Variants in KSR2 observed in about 807,000 individuals in gnomAD.
KSR2 encodes kinase suppressor of ras 2.
Under a neutral mutation model 107.8 loss-of-function variants are expected in KSR2, and 25 were observed. That is an observed-to-expected ratio of 0.23 (90% CI 0.17 to 0.32). The LOEUF is 0.32. KSR2 is among the 10% of genes least tolerant of loss of function. The pLI, the probability that KSR2 is intolerant of heterozygous loss-of-function variation, is 1.00. For missense variants in KSR2, 887 were observed against 1,268.9 expected, an observed-to-expected ratio of 0.70 and a Z score of 4.57; for synonymous variants, 480 against 507.0, an observed-to-expected ratio of 0.95 and a Z score of 0.71.
At chr12:117,624,138 T>C (rs1882341387) in intron 5 of KSR2, among the ~76,000 whole-genome samples, 1 of 152,244 alleles carries the variant, frequency 6.6e-6, no homozygotes, top group Non-Finnish European at 1.5e-5. Context: ...CTTTGTCAGA[T>C]GGGTAGATTG....
intron 14 of KSR2, among the ~76,000 whole-genome samples, chr12:117,501,738 G>A (rs943719190): frequency 3.9e-5 from 6 of 152,218 alleles, no homozygotes; most frequent in South Asian, 2.1e-4. Context: ...CCTGTGTTAC[G>A]CAAGGTGGAG....
intron 5 of KSR2, among the ~76,000 whole-genome samples, chr12:117,661,915 G>A (rs1236785291): frequency 6.6e-6 from 1 of 152,174 alleles, no homozygotes; most frequent in Admixed American, 6.5e-5. Context: ...CTTTTCTTTA[G>A]GAACTGTTCT....
intron 1 of KSR2, among the ~76,000 whole-genome samples, chr12:117,947,027 G>A (rs1187297663): frequency 1.3e-5 from 2 of 151,614 alleles, no homozygotes; most frequent in Non-Finnish European, 1.5e-5. Context: ...AAATTAGCTG[G>A]GTGTGGTGGT....
intron 14 of KSR2, among the ~76,000 whole-genome samples, chr12:117,502,226 C>T (rs139945017): frequency 1.5e-4 from 23 of 152,316 alleles, no homozygotes; most frequent in Middle Eastern, 6.8e-3. Context: ...TGACTGTAGG[C>T]GCATGTGTGT....
At chr12:117,640,749 G>A (rs1358137075) in intron 5 of KSR2, among the ~76,000 whole-genome samples, 8 of 152,088 alleles carry the variant, frequency 5.3e-5, no homozygotes, top group South Asian at 2.1e-4. Flanking sequence ...GCAAACAGCC[G>A]CCCAGAGCAA....
chr12:117,623,029 A>C (rs1488090187), intron 5 of KSR2, among the ~76,000 whole-genome samples: 1 of 152,206 alleles, frequency 6.6e-6, no homozygotes, highest in East Asian at 1.9e-4. Context: ...CATGAAAACC[A>C]GACTCTGCCA....
Position 117,482,098 on chromosome 12 carries a change from C to T in KSR2, c.2450+2318G>A, listed in dbSNP as rs1872207355. Among the ~76,000 whole-genome samples the T allele has an allele frequency of 2.0e-5, 3 of 152,146 alleles. No homozygotes were observed. The South Asian group carries it at 6.2e-4, about 32-fold the overall frequency. ...TGCAACGCACTTGCTTTGGTGGAGC[C>T]CAGTTGCTACATAAGAAGTTTGACT... On this transcript the variant is annotated intron_variant, in intron 16 of 19. Coordinates refer to ENST00000339824, the MANE Select transcript of KSR2 (RefSeq NM_173598.6).
rs146873226 is a variant in KSR2, at chr12:117,842,984, G to GGGAAGGAGGGAGGA, written c.472+12430_472+12443dup. Among the ~76,000 whole-genome samples, 12,879 of 151,828 alleles carry GGGAAGGAGGGAGGA rather than the reference G, an allele frequency of 0.085. 710 individuals carry two copies. Among genetic ancestry groups the GGGAAGGAGGGAGGA allele is most frequent in the African/African-American group, 0.15 (6,388 of 41,278 alleles). The stretch of plus-strand genomic sequence containing the variant: ...GACTTCCTTGGTTCAGATTCAGCTT[G>GGGAAGGAGGGAGGA]GGAAGGAGGGAGGAGGAAGGAGGGA... On this transcript the variant is annotated intron_variant, in intron 3 of 19. Transcript: ENST00000339824. This position sits in a 1 kb window ranked among gnomAD's most constrained non-coding sequence, Gnocchi z 4.2.
intron 14 of KSR2, among the ~76,000 whole-genome samples, chr12:117,523,846 C>G (rs1232400682): frequency 6.6e-6 from 1 of 152,170 alleles, no homozygotes; most frequent in Non-Finnish European, 1.5e-5. Context: ...GTGGCACATG[C>G]CTGTAATCTC....
At chr12:117,726,573 T>G (rs1887434459) in intron 4 of KSR2, among the ~76,000 whole-genome samples, 1 of 152,216 alleles carries the variant, frequency 6.6e-6, no homozygotes, top group Admixed American at 6.5e-5. Flanking sequence ...CACTGTCCCC[T>G]TCACTGCAAA....
At chr12:117,645,283 T>C (rs1565941976) in intron 5 of KSR2, among the ~76,000 whole-genome samples, 2 of 152,238 alleles carry the variant, frequency 1.3e-5, no homozygotes, top group Non-Finnish European at 2.9e-5. Context: ...CTGATGCCTT[T>C]ATTCTAGAAC....
chr12:117,500,480 A>G (rs951234706), intron 14 of KSR2, among the ~76,000 whole-genome samples: 2 of 152,158 alleles, frequency 1.3e-5, no homozygotes, highest in African/African-American at 2.4e-5. Context: ...CTATCCAACA[A>G]ATGGGGAAAC....
intron 5 of KSR2, among the ~76,000 whole-genome samples, chr12:117,586,629 A>AGAAAGAAAGAAAGAAAG (rs1555219140): frequency 2.2e-5 from 3 of 138,314 alleles, no homozygotes; most frequent in Admixed American, 7.4e-5. Flanking sequence ...AAAAGAAAGA[A>AGAAAGAAAGAAAGAAAG]AAAGAAAGAA....
chr12:117,764,952 T>C (rs1463869777), intron 3 of KSR2, among the ~76,000 whole-genome samples: 5 of 152,194 alleles, frequency 3.3e-5, no homozygotes, highest in African/African-American at 4.8e-5. Context: ...CAGCACACAA[T>C]AGGTACACCA....
chr12:117,567,406 C>T (rs890061565), intron 7 of KSR2, among the ~76,000 whole-genome samples: 3 of 151,890 alleles, frequency 2.0e-5, no homozygotes, highest in East Asian at 3.9e-4. Flanking sequence ...GGGAGAGATG[C>T]GAGGGGACAG....
intron 4 of KSR2, among the ~76,000 whole-genome samples, chr12:117,730,780 G>A (rs1269255221): frequency 6.6e-6 from 1 of 152,238 alleles, no homozygotes; most frequent in Non-Finnish European, 1.5e-5. Flanking sequence ...GAGGTGCCGG[G>A]ATTGCAGACG....
chr12:117,644,355 G>T (rs934746102), intron 5 of KSR2, among the ~76,000 whole-genome samples: 39 of 152,186 alleles, frequency 2.6e-4, no homozygotes, highest in African/African-American at 9.2e-4. Context: ...CATCTACATG[G>T]AAGTCATAGG....
chr12:117,611,464 G>A (rs74716004), intron 5 of KSR2, among the ~76,000 whole-genome samples: 833 of 16,688 alleles, frequency 0.05, 5 homozygotes, highest in Non-Finnish European at 0.076. Flanking sequence ...ACACACACAC[G>A]TGTATCCACT....
At chr12:117,488,758 G>A (rs377575105) in intron 14 of KSR2, among the ~76,000 whole-genome samples, 9 of 150,540 alleles carry the variant, frequency 6.0e-5, no homozygotes, top group East Asian at 2.0e-4. Context: ...GTGCAGTGGC[G>A]CAATGTTGGC....
Sources: allele counts gnomAD v4.1 joint callset (sites outside exome capture counted in the v4.1 genomes callset), GRCh38; gene constraint gnomAD v4.1.1; non-coding constraint Gnocchi (gnomAD v3.1); transcripts MANE v1.5; gene names NCBI Gene and HGNC (gene_info 2026-07-23, HGNC 2026-07-21).